The following LRRC37A variants were observed in gnomAD, a reference collection of about 807,000 sequenced individuals.
LRRC37A encodes the protein leucine-rich repeat-containing protein 37A.
Under a neutral mutation model 35.4 loss-of-function variants are expected in LRRC37A, and 3 were observed. That is an observed-to-expected ratio of 0.08 (90% CI 0.04 to 0.22). The LOEUF is 0.22. Ranked by LOEUF, LRRC37A falls within the 10% of genes least tolerant of loss-of-function variation. The pLI is 1.00. For synonymous variants in LRRC37A, 23 were observed against 215.0 expected, an observed-to-expected ratio of 0.11 and a Z score of 7.81; for missense variants, 67 against 565.3, an observed-to-expected ratio of 0.12 and a Z score of 8.94.
the LRRC37A span, among the ~76,000 whole-genome samples, chr17:46,283,437 T>C: frequency 6.6e-6 from 1 of 152,244 alleles, no homozygotes; most frequent in Non-Finnish European, 1.5e-5. Flanking sequence ...GTGAAAACAC[T>C]AATTCCATTT....
At chr17:46,291,980 A>C (rs1428906929), upstream of LRRC37A, among the ~76,000 whole-genome samples, 1 of 123,256 alleles carries the variant, frequency 8.1e-6, no homozygotes, top group Admixed American at 8.1e-5. Context: ...AAAAAAAAAA[A>C]AAAAAAAGCC....
chr17:46,260,144 G>A, the LRRC37A span: 3 of 723,654 alleles, frequency 4.1e-6, no homozygotes, highest in Non-Finnish European at 3.5e-6. Context: ...TGCAGCGCGG[G>A]CAGCAGCGCG....
chr17:46,277,518 A>T, the LRRC37A span, among the ~76,000 whole-genome samples: 1 of 152,252 alleles, frequency 6.6e-6, no homozygotes, highest in African/African-American at 2.4e-5. Context: ...AAAAGCATAG[A>T]GGGGCTTATA....
At chr17:46,252,588 C>T in the LRRC37A span, among the ~76,000 whole-genome samples, 1 of 149,386 alleles carries the variant, frequency 6.7e-6, no homozygotes, top group Non-Finnish European at 1.5e-5. Flanking sequence ...AAGGAGCATG[C>T]TGCCTTCAAG....
At chr17:46,268,498 G>A in the LRRC37A span, 1 of 1,366,096 alleles carries the variant, frequency 7.3e-7, no homozygotes, top group Non-Finnish European at 9.5e-7. Flanking sequence ...TGGTTATTTT[G>A]TCCAGGCAGC....
the LRRC37A span, among the ~76,000 whole-genome samples, chr17:46,281,103 T>A: frequency 1.4e-4 from 21 of 152,122 alleles, no homozygotes; most frequent in South Asian, 2.3e-3. Flanking sequence ...TTATAGATTG[T>A]CTGTTTTATC....
At chr17:46,274,429 C>A in the LRRC37A span, among the ~76,000 whole-genome samples, 2 of 152,176 alleles carry the variant, frequency 1.3e-5, no homozygotes, top group African/African-American at 2.4e-5. Flanking sequence ...TTTAATCTAC[C>A]ATGAACAATA....
chr17:46,260,900 G>A, the LRRC37A span, among the ~76,000 whole-genome samples: 3 of 152,208 alleles, frequency 2.0e-5, no homozygotes, highest in Non-Finnish European at 4.4e-5. Flanking sequence ...TGGGATTACA[G>A]GCATGAGCCA....
upstream of LRRC37A, among the ~76,000 whole-genome samples, chr17:46,290,252 C>T (rs2668651): frequency 0.11 from 15,583 of 146,884 alleles, no homozygotes; most frequent in Non-Finnish European, 0.16. Flanking sequence ...GCCTCAGCCT[C>T]GCCAAGTAGC....
the LRRC37A span, chr17:46,267,362 C>G: frequency 6.3e-7 from 1 of 1,581,932 alleles, no homozygotes; most frequent in Non-Finnish European, 8.6e-7. Context: ...GTGCTGGGCG[C>G]GGGCATCTGG....
At chr17:46,273,284 A>G in the LRRC37A span, among the ~76,000 whole-genome samples, 2 of 152,266 alleles carry the variant, frequency 1.3e-5, no homozygotes, top group African/African-American at 4.8e-5. Context: ...GGACAAAATA[A>G]TCCATATTTA....
At chr17:46,271,275 C>G in the LRRC37A span, among the ~76,000 whole-genome samples, 1 of 150,958 alleles carries the variant, frequency 6.6e-6, no homozygotes, top group South Asian at 2.1e-4. Context: ...AAGTGATTCT[C>G]CTGCTCTAGC....
the LRRC37A span, chr17:46,268,643 C>G: frequency 6.5e-7 from 1 of 1,548,864 alleles, no homozygotes; most frequent in Non-Finnish European, 8.7e-7. Flanking sequence ...AAAGGTTTAA[C>G]CCAAAAAGGG....
chr17:46,283,362 T>C, the LRRC37A span, among the ~76,000 whole-genome samples: 1 of 152,248 alleles, frequency 6.6e-6, no homozygotes, highest in Admixed American at 6.5e-5. Context: ...TAGGGTCTAC[T>C]GGTTCAAGGA....
At chr17:46,251,714 G>A in the LRRC37A span, among the ~76,000 whole-genome samples, 3 of 150,774 alleles carry the variant, frequency 2.0e-5, no homozygotes, top group Admixed American at 2.0e-4. Flanking sequence ...AATACTTAGG[G>A]CCATATCCAT....
the LRRC37A span, among the ~76,000 whole-genome samples, chr17:46,252,877 T>TG: frequency 6.8e-6 from 1 of 146,962 alleles, no homozygotes; most frequent in African/African-American, 2.4e-5. Context: ...CCGTTCTCAA[T>TG]GAGCTGTTGG....
chr17:46,262,107 A>G, the LRRC37A span, among the ~76,000 whole-genome samples: 22,044 of 151,952 alleles, frequency 0.15, 2,136 homozygotes, highest in Middle Eastern at 0.22. Context: ...GCACCATCAT[A>G]CCTGGTTAAT....
chr17:46,252,739 A>G, the LRRC37A span, among the ~76,000 whole-genome samples: 20,013 of 148,956 alleles, frequency 0.13, 1,964 homozygotes, highest in Middle Eastern at 0.21. Flanking sequence ...TTTTCTTAGT[A>G]TAGAACAAAA....
chr17:46,264,146 CTTTTTTT>C, the LRRC37A span, among the ~76,000 whole-genome samples: 1 of 138,778 alleles, frequency 7.2e-6, no homozygotes, highest in Non-Finnish European at 1.5e-5. Context: ...CCTCAGCTGA[CTTTTTTT>C]TTTTTTTTTT....
Sources: allele counts gnomAD v4.1 joint callset (sites outside exome capture counted in the v4.1 genomes callset), GRCh38; gene constraint gnomAD v4.1.1; transcripts MANE v1.5; gene names NCBI Gene and HGNC (gene_info 2026-07-23, HGNC 2026-07-21).